Variants in PRKCH observed in about 807,000 individuals in gnomAD.
PRKCH encodes the protein protein kinase C eta.
In PRKCH, 28 loss-of-function variants were observed where a neutral mutation model predicts 82.5. That is an observed-to-expected ratio of 0.34 (90% CI 0.25 to 0.47). The LOEUF is 0.47. Among genes scored for constraint, PRKCH ranks in the 20% least tolerant of loss-of-function variants. The probability of loss-of-function intolerance (pLI) is 1.00; values close to 1 mark genes in which losing one functional copy is unlikely to be tolerated. For synonymous variants in PRKCH, 322 were observed against 327.4 expected, an observed-to-expected ratio of 0.98 and a Z score of 0.18; for missense variants, 705 against 881.8, an observed-to-expected ratio of 0.80 and a Z score of 2.54.
chr14:61,441,121 A>G (rs754163269), intron 2 of PRKCH, among the ~76,000 whole-genome samples: 1 of 152,110 alleles, frequency 6.6e-6, no homozygotes, highest in East Asian at 1.9e-4. Flanking sequence ...CTGGTCTCCA[A>G]TTCCTAGGCT....
intron 1 of PRKCH, among the ~76,000 whole-genome samples, chr14:61,201,994 A>G (rs1050318606): frequency 6.6e-6 from 1 of 152,128 alleles, no homozygotes; most frequent in South Asian, 2.1e-4. Context: ...ATGTGCACAC[A>G]TTACTTTTTA....
At chr14:61,309,861 T>A (rs1292057445) in intron 1 of PRKCH, among the ~76,000 whole-genome samples, 1 of 152,110 alleles carries the variant, frequency 6.6e-6, no homozygotes, top group African/African-American at 2.4e-5. Flanking sequence ...GACTCGCAGT[T>A]CCATATGTCT....
chr14:61,213,845 T>C (rs538832355), intron 1 of PRKCH, among the ~76,000 whole-genome samples: 1 of 152,332 alleles, frequency 6.6e-6, no homozygotes, highest in African/African-American at 2.4e-5. Flanking sequence ...AATGTATTCA[T>C]TTAACAATGG....
chr14:61,312,059 C>T (rs1022045662), intron 1 of PRKCH, among the ~76,000 whole-genome samples: 19 of 152,070 alleles, frequency 1.2e-4, no homozygotes, highest in Non-Finnish European at 2.1e-4. Context: ...GTCCCTCCCT[C>T]GACATGTAGG....
rs983232586 is a variant in PRKCH at position 61,321,746 on chromosome 14, C to T, written c.-356C>T. 2 of 179,274 alleles carry T rather than the reference C, an allele frequency of 1.1e-5. No homozygotes were observed. Among genetic ancestry groups the T allele is most frequent in the South Asian group, 1.5e-4 (1 of 6,700 alleles). The allele number at this position is 179,274 out of a possible 1,614,324, so 11.1% of individuals were successfully genotyped here. On this transcript the variant is annotated 5_prime_UTR_variant, in exon 1 of 14. Coordinates refer to ENST00000332981, the MANE Select transcript of PRKCH (RefSeq NM_006255.5). The surrounding 1 kb of genome is among the most constrained non-coding windows in gnomAD (Gnocchi z 4.1). ...AGAGACGCTTGGGGCTGGGGCTCACCGGACGGGTAGGTCCGGCTCTCCAGG... is the reference window on the plus strand; with the variant it reads ...AGAGACGCTTGGGGCTGGGGCTCACTGGACGGGTAGGTCCGGCTCTCCAGG...
chr14:61,518,534 G>T (rs1354194555), intron 10 of PRKCH, among the ~76,000 whole-genome samples: 1 of 152,136 alleles, frequency 6.6e-6, no homozygotes, highest in Non-Finnish European at 1.5e-5. Flanking sequence ...TGTATGATTG[G>T]TACACTGAGG....
At chr14:61,510,962 G>A (rs1427400239) in intron 10 of PRKCH, among the ~76,000 whole-genome samples, 2 of 152,114 alleles carry the variant, frequency 1.3e-5, no homozygotes, top group Non-Finnish European at 2.9e-5. Context: ...GAACCTTAGG[G>A]AACCAGCTAT....
chr14:61,488,305 A>T (rs1286060242), intron 10 of PRKCH, among the ~76,000 whole-genome samples: 1 of 152,244 alleles, frequency 6.6e-6, no homozygotes, highest in East Asian at 1.9e-4. Flanking sequence ...CCTGGGTGAC[A>T]GAGCAAGACC....
intron 1 of PRKCH, among the ~76,000 whole-genome samples, chr14:61,211,628 G>T (rs2044581847): frequency 6.6e-6 from 1 of 152,152 alleles, no homozygotes; most frequent in African/African-American, 2.4e-5. Flanking sequence ...CACATGAGTA[G>T]GCAAGCCAAA....
chr14:61,320,536 T>C (rs569470479), upstream of PRKCH, among the ~76,000 whole-genome samples: 1 of 151,232 alleles, frequency 6.6e-6, no homozygotes, highest in East Asian at 1.9e-4. Context: ...GAGGCGGAGG[T>C]TGCGGTGAGC....
At chr14:61,499,372 A>G (rs2139946865) in intron 10 of PRKCH, among the ~76,000 whole-genome samples, 1 of 152,274 alleles carries the variant, frequency 6.6e-6, no homozygotes, top group South Asian at 2.1e-4. Flanking sequence ...TTCAGTTGCA[A>G]AGAGAAGTTA....
intron 1 of PRKCH, among the ~76,000 whole-genome samples, chr14:61,190,002 T>G (rs1341937864): frequency 6.6e-6 from 1 of 152,168 alleles, no homozygotes; most frequent in East Asian, 1.9e-4. Flanking sequence ...CTTGTTCAAT[T>G]TCATCTTCAT....
chr14:61,223,113 A>G (rs2044668189), intron 1 of PRKCH, among the ~76,000 whole-genome samples: 1 of 152,202 alleles, frequency 6.6e-6, no homozygotes, highest in South Asian at 2.1e-4. Flanking sequence ...TCCATAAGCA[A>G]AGATATTTCT....
At chr14:61,547,651 A>G in intron 12 of PRKCH, 92 bp from the exon 13 acceptor site, 1 of 1,484,908 alleles carries the variant, frequency 6.7e-7, no homozygotes, top group African/African-American at 1.4e-5. Context: ...AAAGTCTCGC[A>G]CAGCTCCTCT....
chr14:61,464,853 T>TG lies in PRKCH; in HGVS notation c.1278+7175dup, dbSNP rs1348277091. Among the ~76,000 whole-genome samples the TG allele has an allele frequency of 2.0e-5, 3 of 152,238 alleles. No individual in the cohort carries two copies. The East Asian group carries it at 5.8e-4, about 29-fold the overall frequency. ...AATAGTGCTGCAATAAACATACATG[T>TG]GCATGTGTCTTTATAGTAGAATGAT... On this transcript the variant is annotated intron_variant, in intron 9 of 13. Coordinates refer to ENST00000332981, the MANE Select transcript of PRKCH (RefSeq NM_006255.5).
rs1263489263 is a variant in PRKCH, at chr14:61,504,322, G to A, written c.1433+18666G>A. ...TCCTGCTTCAGCCTCCTGAGTAGCT[G>A]GGATTACAGGTGCTCACCACCACCC... On this transcript the variant is annotated intron_variant, in intron 10 of 13. Transcript: ENST00000332981. 2.6e-5 allele frequency among the ~76,000 whole-genome samples: 4 copies of A among 152,078 alleles called. No individual in the cohort carries two copies. In the East Asian group the frequency reaches 7.7e-4, roughly 29 times the overall value.
intron 1 of PRKCH, among the ~76,000 whole-genome samples, chr14:61,384,586 G>A (rs1044292817): frequency 3.3e-5 from 5 of 151,998 alleles, no homozygotes; most frequent in African/African-American, 1.2e-4. Flanking sequence ...TGGGAGATAG[G>A]GGATAAGTTC....
intron 12 of PRKCH, among the ~76,000 whole-genome samples, chr14:61,539,836 C>T (rs537107785): frequency 2.6e-5 from 4 of 152,320 alleles, no homozygotes; most frequent in Admixed American, 6.5e-5. Flanking sequence ...CAGGCCAGTC[C>T]GGCTCTGCTT....
chr14:61,470,376 C>A (rs1220507513), intron 9 of PRKCH, among the ~76,000 whole-genome samples: 4 of 152,128 alleles, frequency 2.6e-5, no homozygotes, highest in Non-Finnish European at 2.9e-5. Flanking sequence ...TGTTCACTGG[C>A]AGCCCCTGCA....
Sources: gnomAD v4.1 joint callset for allele counts (sites outside exome capture counted in the v4.1 genomes callset) on GRCh38, gnomAD v4.1.1 for gene constraint, Gnocchi (gnomAD v3.1) non-coding constraint, MANE v1.5 for transcripts, NCBI Gene and HGNC (gene_info 2026-07-23, HGNC 2026-07-21) for gene names.